The following RLF variants were observed in gnomAD, a reference collection of about 807,000 sequenced individuals.
RLF encodes RLF zinc finger.
A neutral mutation model predicts 162.9 loss-of-function variants in RLF; 7 were observed. The observed-to-expected ratio is 0.04, with a 90% confidence interval of 0.02 to 0.08. The LOEUF is 0.08. Ranked by LOEUF, RLF falls within the 10% of genes least tolerant of loss-of-function variation. The probability of loss-of-function intolerance (pLI) is 1.00; values close to 1 mark genes in which losing one functional copy is unlikely to be tolerated. For missense variants in RLF, 1,664 were observed against 2,244.7 expected (o/e 0.74, Z 5.23); for synonymous variants, 782 against 791.5 (o/e 0.99, Z 0.20).
chr1:40,220,970 T>TAAAAAAA (rs750563466), intron 5 of RLF, among the ~76,000 whole-genome samples: 1 of 101,826 alleles, frequency 9.8e-6, no homozygotes, highest in African/African-American at 3.6e-5. Flanking sequence ...CTACAAAAAT[T>TAAAAAAA]AAAAAAAAAA....
rs549964774 is a variant in RLF at position 40,203,584 on chromosome 1, T to C, written c.810+970T>C. 3.6e-3 allele frequency among the ~76,000 whole-genome samples: 521 copies of C among 144,424 alleles called. 4 individuals are homozygous for C. The highest frequency in any genetic ancestry group is 6.3e-3 in the Non-Finnish European group (410 of 65,184). The allele number at this position is 144,424 out of a possible 152,430, so 94.7% of individuals were successfully genotyped here. ...ATTTTATGTATCAGATTGCATCCTT[T>C]AAAAAAAAAAAACCTCAATTATTAT... is the stretch of plus-strand genomic sequence containing the variant. On this transcript the variant is annotated intron_variant, in intron 5 of 7. Coordinates refer to ENST00000372771, the MANE Select transcript of RLF (RefSeq NM_012421.4).
chr1:40,191,478 C>T (rs185461194), intron 3 of RLF, among the ~76,000 whole-genome samples: 59 of 150,990 alleles, frequency 3.9e-4, no homozygotes, highest in Admixed American at 3.8e-3. Flanking sequence ...GCAGAGGTTG[C>T]AGTGAGCCAA....
intron 4 of RLF, among the ~76,000 whole-genome samples, chr1:40,198,096 G>A (rs916566842): frequency 6.8e-6 from 1 of 147,768 alleles, no homozygotes; most frequent in African/African-American, 2.5e-5. Context: ...CTCTGCCTCC[G>A]GGGTTTAAGC....
intron 1 of RLF, among the ~76,000 whole-genome samples, chr1:40,183,386 T>G (rs1191831121): frequency 6.6e-6 from 1 of 152,212 alleles, no homozygotes; most frequent in Non-Finnish European, 1.5e-5. Flanking sequence ...AGCTATCTTT[T>G]GTCAGTTTTT....
chr1:40,162,099 C>T (rs996989706), intron 1 of RLF, among the ~76,000 whole-genome samples: 3 of 151,900 alleles, frequency 2.0e-5, no homozygotes, highest in Non-Finnish European at 2.9e-5. Flanking sequence ...CTTCTGGGCT[C>T]CTAAAAGGTA....
chr1:40,218,565 C>T (rs1251742546), intron 5 of RLF, among the ~76,000 whole-genome samples: 1 of 152,206 alleles, frequency 6.6e-6, no homozygotes, highest in Non-Finnish European at 1.5e-5. Flanking sequence ...CAATTACTCT[C>T]ACGTTAATTA....
chr1:40,189,535 G>A (rs1642528966), intron 2 of RLF, among the ~76,000 whole-genome samples: 1 of 152,090 alleles, frequency 6.6e-6, no homozygotes, highest in African/African-American at 2.4e-5. Context: ...GAACATCTTG[G>A]CAAAAACAAC....
At chr1:40,215,580 A>G (rs978711491) in intron 5 of RLF, among the ~76,000 whole-genome samples, 5 of 151,980 alleles carry the variant, frequency 3.3e-5, no homozygotes, top group Admixed American at 6.6e-5. Flanking sequence ...TTTTTGTTGT[A>G]TTTTGTTTTG....
At position 40,235,956 on chromosome 1, in the gene RLF, A is replaced by C. The variant is rs1274882358; in HGVS notation, c.1254A>C (p.Leu418Phe). 1 of 1,614,006 alleles carries C rather than the reference A, an allele frequency of 6.2e-7. No homozygotes were observed. Among genetic ancestry groups the C allele is most frequent in the East Asian group, 2.2e-5 (1 of 44,864 alleles). Residue 418 changes from leucine to phenylalanine, a missense_variant, in exon 8 of 8, where the codon TTA becomes TTC. Leu to Phe is a conservative substitution (Grantham distance 22). Transcript: ENST00000372771. ...GAGCCTGTCAGCTTACAGAATTCTT[A>C]ATTGAACCCAGTTTGGATGGATTTA... The part of the protein sequence containing the change: ...VRRACQLTEF[L>F]IEPSLDGFNM...
rs1370067374 is a variant in RLF at position 40,236,188 on chromosome 1, G to A, written c.1486G>A (p.Gly496Ser). ...EASDSDDDLS[G>S]YEMSINDTDV... The stretch of plus-strand genomic sequence containing the variant: ...CTCAGATTCTGATGATGATTTAAGT[G>A]GCTATGAAATGTCCATTAATGACAC... The change falls in exon 8 of 8, where the codon GGC (glycine) becomes AGC (serine). Residue 496 changes from glycine (G) to serine (S), a missense_variant. By Grantham distance (56) the Gly-to-Ser change is moderately conservative. Transcript: ENST00000372771. This position sits in a 1 kb window ranked among gnomAD's most constrained non-coding sequence, Gnocchi z 7.7. 6.2e-7 allele frequency: 1 copy of A among 1,613,654 alleles called. No individual in the cohort carries two copies. Among genetic ancestry groups the A allele is most frequent in the African/African-American group, 1.3e-5 (1 of 74,822 alleles).
chr1:40,179,855 CTTG>C (rs1334476972), intron 1 of RLF, among the ~76,000 whole-genome samples: 1 of 152,210 alleles, frequency 6.6e-6, no homozygotes, highest in African/African-American at 2.4e-5. Context: ...CAGTATTTGT[CTTG>C]TTGTGACTGC....
At position 40,173,073 on chromosome 1, in the gene RLF, G is replaced by GTTTTTTTTTTTTTTTTTTTT. The variant is rs765020752; in HGVS notation, c.237+11455_237+11456insTTTTTTTTTTTTTTTTTTTT. On this transcript the variant is annotated intron_variant, in intron 1 of 7. Coordinates refer to ENST00000372771, the MANE Select transcript of RLF (RefSeq NM_012421.4). Reference sequence around the variant, plus strand: ...TAATTTGCATTTTAGTAACATTCAGGTTTTTTTTTTTTTTTTTTGTGAGGC... The same window carrying GTTTTTTTTTTTTTTTTTTTT: ...TAATTTGCATTTTAGTAACATTCAGGTTTTTTTTTTTTTTTTTTTTTTTTTTTTTTTTTTTTTTGTGAGGC... 2.6e-4 allele frequency among the ~76,000 whole-genome samples: 34 copies of GTTTTTTTTTTTTTTTTTTTT among 128,992 alleles called. 1 individual carries two copies. The highest frequency in any genetic ancestry group is 1.1e-3 in the African/African-American group (34 of 31,232). 84.6% of individuals were successfully genotyped at this position (128,992 alleles called of 152,430 possible).
At chr1:40,193,709 T>A (rs745804248) in intron 3 of RLF, among the ~76,000 whole-genome samples, 2 of 152,210 alleles carry the variant, frequency 1.3e-5, no homozygotes, top group Non-Finnish European at 2.9e-5. Context: ...TCTGTATCAA[T>A]TCCATATTTT....
At position 40,176,371 on chromosome 1, in the gene RLF, G is replaced by A. The variant is rs147288267; in HGVS notation, c.238-12684G>A. On this transcript the variant is annotated intron_variant, in intron 1 of 7. Coordinates refer to ENST00000372771, the MANE Select transcript of RLF (RefSeq NM_012421.4). The stretch of plus-strand genomic sequence containing the variant: ...TTCTATCTCCTCACTAACACTTGGT[G>A]TGGCCAGTGTTTTTCATTTTAGCCA... Among the ~76,000 whole-genome samples the A allele has an allele frequency of 4.8e-3, 734 of 152,294 alleles. 8 individuals carry two copies. The highest frequency in any genetic ancestry group is 0.017 in the Middle Eastern group (5 of 294).
intron 5 of RLF, among the ~76,000 whole-genome samples, chr1:40,216,254 G>A (rs778179399): frequency 3.9e-5 from 6 of 152,194 alleles, no homozygotes; most frequent in Middle Eastern, 3.4e-3. Context: ...AGGCCAAGGC[G>A]GATAGATCAC....
At chr1:40,178,632 GT>G (rs57391266) in intron 1 of RLF, among the ~76,000 whole-genome samples, 57 of 88,426 alleles carry the variant, frequency 6.4e-4, no homozygotes, top group Non-Finnish European at 1.0e-3. Context: ...TTTTTTTTTT[GT>G]TTTTTTTTTT....
rs1215388791 is a variant in RLF, at chr1:40,195,722, C to T, written c.565C>T (p.Leu189Phe). 1.2e-6 allele frequency: 2 copies of T among 1,613,604 alleles called. No homozygotes were observed. The highest frequency in any genetic ancestry group is 2.2e-5 in the East Asian group (1 of 44,816). The stretch of plus-strand genomic sequence containing the variant: ...GGAAGGGGTGTGGAAAAACCCAGTT[C>T]TTCTTAAAATTCTGTCTCAACAGCC... ...TKEGVWKNPV[L>F]LKILSQQPVE... Residue 189 changes from leucine (L) to phenylalanine (F), a missense_variant, in exon 4 of 8, where the codon CTT becomes TTT. Transcript: ENST00000372771.
intron 5 of RLF, among the ~76,000 whole-genome samples, chr1:40,211,921 G>C (rs986950636): frequency 6.6e-6 from 1 of 152,136 alleles, no homozygotes; most frequent in African/African-American, 2.4e-5. Flanking sequence ...GAGCCATCAC[G>C]CCCAGCCACT....
At chr1:40,213,960 C>A (rs1032298800) in intron 5 of RLF, among the ~76,000 whole-genome samples, 1 of 152,210 alleles carries the variant, frequency 6.6e-6, no homozygotes, top group Non-Finnish European at 1.5e-5. Context: ...CCTCTTATGC[C>A]TGTTATTACT....
Sources: gnomAD v4.1 joint callset for allele counts (sites outside exome capture counted in the v4.1 genomes callset) on GRCh38, gnomAD v4.1.1 for gene constraint, Gnocchi (gnomAD v3.1) non-coding constraint, MANE v1.5 for transcripts, NCBI Gene and HGNC (gene_info 2026-07-23, HGNC 2026-07-21) for gene names.